The following BCOR variants were observed in gnomAD, a reference collection of about 807,000 sequenced individuals.
BCOR encodes the protein BCL6 corepressor.
Under a neutral mutation model 86.7 loss-of-function variants are expected in BCOR, and 10 were observed. The ratio of observed to expected loss-of-function variants is 0.12; its 90% CI spans 0.07 to 0.20. The LOEUF is 0.20. Among genes scored for constraint, BCOR ranks in the 10% least tolerant of loss-of-function variants. The pLI is 1.00. For synonymous variants in BCOR, 611 were observed against 609.0 expected (o/e 1.00, Z -0.05); for missense variants, 1,259 against 1,452.1 (o/e 0.87, Z 2.16).
At chrX:40,081,854 G>A (rs767392113) in intron 1 of BCOR, among the ~76,000 whole-genome samples, 2 of 112,318 alleles carry the variant, frequency 1.8e-5, no homozygotes, top group Non-Finnish European at 3.8e-5. Context: ...GAACAGACTG[G>A]GAACTGTTCC....
At chrX:40,176,494 A>G (rs1042905527) in intron 1 of BCOR, among the ~76,000 whole-genome samples, 5 of 112,334 alleles carry the variant, frequency 4.5e-5, no homozygotes, top group Non-Finnish European at 9.4e-5. Flanking sequence ...CGGCGACTAC[A>G]AGAGCGGCGA....
Position 40,062,215 on chromosome X carries a change from G to A in BCOR, c.4352C>T (p.Pro1451Leu), listed in dbSNP as rs773750414. 5 of 1,207,988 alleles carry A rather than the reference G, an allele frequency of 4.1e-6. No homozygotes were observed. The highest frequency in any genetic ancestry group is 4.5e-6 in the Non-Finnish European group (4 of 894,452). The change falls in exon 10 of 15, where the codon CCG (proline) becomes CTG (leucine). Residue 1451 changes from proline to leucine, a missense_variant. Physicochemically the swap from Pro to Leu is moderately conservative, Grantham distance 98 (BLOSUM62 -3). This residue lies in a region of BCOR where 47 missense variants were observed against 102.1 expected (regional missense o/e 0.46). Coordinates refer to ENST00000378444, the MANE Select transcript of BCOR (RefSeq NM_001123385.2). The stretch of plus-strand genomic sequence containing the variant: ...ATTGACAATAAGTCTCCGTGCTTCC[G>A]GCGGCATAGGGCGAGACTGGGTGGT... ...QETTQSRPMP[P>L]EARRLIVNKN...
At chrX:40,139,920 G>A (rs1414415928) in intron 1 of BCOR, among the ~76,000 whole-genome samples, 1 of 110,036 alleles carries the variant, frequency 9.1e-6, no homozygotes, top group African/African-American at 3.3e-5. Context: ...AAATGCGGGT[G>A]GGAGAGGCAC....
intron 1 of BCOR, among the ~76,000 whole-genome samples, chrX:40,127,464 A>G (rs774935651): frequency 1.2e-3 from 130 of 112,476 alleles, no homozygotes; most frequent in African/African-American, 4.1e-3. Context: ...GTGATAGAAG[A>G]AGAAATTGTT....
chrX:40,162,908 A>C (rs1339971837), intron 1 of BCOR, among the ~76,000 whole-genome samples: 4 of 111,189 alleles, frequency 3.6e-5, no homozygotes, highest in Non-Finnish European at 5.7e-5. Flanking sequence ...TAGAAGTCAA[A>C]CTCTCCATTC....
At chrX:40,129,674 G>A (rs1198963081) in intron 1 of BCOR, among the ~76,000 whole-genome samples, 1 of 108,602 alleles carries the variant, frequency 9.2e-6, no homozygotes, top group Non-Finnish European at 1.9e-5. Flanking sequence ...TAGGGAGGTG[G>A]GGGTTGGGGT....
At chrX:40,065,474 A>G (rs1339477630) in intron 6 of BCOR, among the ~76,000 whole-genome samples, 1 of 111,821 alleles carries the variant, frequency 8.9e-6, no homozygotes, top group Non-Finnish European at 1.9e-5. Flanking sequence ...ACATCTCCTC[A>G]TTGTTGGTGT....
At chrX:40,084,172 G>A (rs981553117) in intron 1 of BCOR, among the ~76,000 whole-genome samples, 1 of 111,830 alleles carries the variant, frequency 8.9e-6, no homozygotes, top group Non-Finnish European at 1.9e-5. Flanking sequence ...GTCCGGGGTG[G>A]AATCTGCAGG....
chrX:40,103,779 T>C (rs768247719), intron 1 of BCOR, among the ~76,000 whole-genome samples: 1 of 111,360 alleles, frequency 9.0e-6, no homozygotes, highest in South Asian at 3.7e-4. Context: ...GGGATAAAGA[T>C]AAGCCAATTT....
intron 1 of BCOR, among the ~76,000 whole-genome samples, chrX:40,110,981 G>A (rs752863156): frequency 1.8e-5 from 2 of 110,023 alleles, no homozygotes; most frequent in Non-Finnish European, 3.8e-5. Context: ...CCAAAGTGCT[G>A]GGATTACAGG....
At chrX:40,065,992 A>G (rs1485085429) in intron 6 of BCOR, among the ~76,000 whole-genome samples, 2 of 111,030 alleles carry the variant, frequency 1.8e-5, no homozygotes, top group African/African-American at 6.6e-5. Flanking sequence ...TGTGCTCTCA[A>G]TGGTGCAAGG....
At chrX:40,065,898 G>A (rs1047289174) in intron 6 of BCOR, among the ~76,000 whole-genome samples, 14 of 109,437 alleles carry the variant, frequency 1.3e-4, no homozygotes, top group African/African-American at 4.3e-4. Context: ...GACCAGCACC[G>A]CTCACCCGCT....
intron 10 of BCOR, among the ~76,000 whole-genome samples, chrX:40,058,645 A>G (rs1291532668): frequency 8.9e-6 from 1 of 112,083 alleles, no homozygotes; most frequent in African/African-American, 3.2e-5. Context: ...TGTGAACCTA[A>G]GGCTGCACGC....
chrX:40,138,682 G>A lies in BCOR; in HGVS notation c.-41+38325C>T, dbSNP rs747532479. Among the ~76,000 whole-genome samples, 4 of 110,398 alleles carry A rather than the reference G, an allele frequency of 3.6e-5. No homozygotes were observed. The East Asian group carries it at 8.5e-4, about 23-fold the overall frequency. On this transcript the variant is annotated intron_variant, in intron 1 of 14. Coordinates refer to the BCOR transcript ENST00000342274. ...CGATTCTCCTGCCTCAGCCTCCCGAGTAGCTGGGGTTACAGGCACCCACCA... is the reference window on the plus strand; with the variant it reads ...CGATTCTCCTGCCTCAGCCTCCCGAATAGCTGGGGTTACAGGCACCCACCA...
chrX:40,068,919 A>G (rs1311157618), intron 6 of BCOR, among the ~76,000 whole-genome samples: 1 of 113,275 alleles, frequency 8.8e-6, no homozygotes, highest in African/African-American at 3.2e-5. Flanking sequence ...GGCACCTGCC[A>G]TCTCAGAAGC....
chrX:40,154,978 G>A (rs1052458251), intron 1 of BCOR, among the ~76,000 whole-genome samples: 2 of 111,122 alleles, frequency 1.8e-5, no homozygotes, highest in Non-Finnish European at 3.8e-5. Flanking sequence ...ACACACACAC[G>A]CACGCGCGCG....
chrX:40,062,752 A>G lies in BCOR; in HGVS notation c.4167T>C (p.Asp1389=), dbSNP rs768694461. Residue 1389 remains aspartate, a synonymous_variant, in exon 9 of 15, where the codon GAT becomes GAC. Coordinates refer to ENST00000378444, the MANE Select transcript of BCOR (RefSeq NM_001123385.2). ...AGCCGGGGTCAAGAGGTACCTTGCC[A>G]TCGGCATTCTCCACGTAGTATTCCC... ...LTGEYYVENA[D]GKVTVRRFRK... is the part of the protein sequence containing the mutation. 7 of 1,207,833 alleles carry G rather than the reference A, an allele frequency of 5.8e-6. No individual in the cohort carries two copies. Among genetic ancestry groups the G allele is most frequent in the Non-Finnish European group, 6.7e-6 (6 of 893,758 alleles).
rs1203501550 is a variant in BCOR at position 40,062,236 on chromosome X, G to A, written c.4331C>T (p.Thr1444Ile). ...TTCCGGCGGCATAGGGCGAGACTGG[G>A]TGGTCTCCTGAGGGGAACTTGAGCA... ...LPCSSSPQET[T>I]QSRPMPPEAR... The change falls in exon 10 of 15, where the codon ACC (threonine) becomes ATC (isoleucine). Residue 1444 changes from threonine to isoleucine, a missense_variant. This residue lies in a region of BCOR where 305 missense variants were observed against 286.1 expected (regional missense o/e 1.07). Transcript: ENST00000378444. The A allele has an allele frequency of 8.3e-7, 1 of 1,211,247 alleles. No individual in the cohort carries two copies. Among genetic ancestry groups the A allele is most frequent in the Admixed American group, 2.2e-5 (1 of 46,013 alleles).
intron 1 of BCOR, among the ~76,000 whole-genome samples, chrX:40,080,827 T>C (rs960001933): frequency 1.6e-5 from 1 of 63,032 alleles, no homozygotes; most frequent in South Asian, 1.0e-3. Flanking sequence ...TGTGTGTGTG[T>C]GTGTGTGTGT....
Sources: gnomAD v4.1 joint callset for allele counts (sites outside exome capture counted in the v4.1 genomes callset) on GRCh38, gnomAD v4.1.1 for gene constraint, gnomAD v4.1.1 regional missense constraint, MANE v1.5 for transcripts, NCBI Gene and HGNC (gene_info 2026-07-23, HGNC 2026-07-21) for gene names.